Variants in CCAR2 observed in about 807,000 individuals in gnomAD.
CCAR2 encodes cell cycle and apoptosis regulator 2, also known as cell cycle and apoptosis regulator protein 2.
A neutral mutation model predicts 108.1 loss-of-function variants in CCAR2; 21 were observed. The ratio of observed to expected loss-of-function variants is 0.19; its 90% CI spans 0.14 to 0.28. The LOEUF is 0.28. Among genes scored for constraint, CCAR2 ranks in the 10% least tolerant of loss-of-function variants. The pLI, the probability that CCAR2 is intolerant of heterozygous loss-of-function variation, is 1.00. For missense variants in CCAR2, 1,126 were observed against 1,177.0 expected, an observed-to-expected ratio of 0.96 and a Z score of 0.63; for synonymous variants, 577 against 472.8, an observed-to-expected ratio of 1.22 and a Z score of -2.86.
chr8:22,607,704 A>G lies in CCAR2; in HGVS notation c.488-265A>G, dbSNP rs10110560. Among the ~76,000 whole-genome samples, 1,061 of 152,108 alleles carry G rather than the reference A, an allele frequency of 7.0e-3. 15 individuals carry two copies. Among genetic ancestry groups the G allele is most frequent in the African/African-American group, 0.024 (1,010 of 41,490 alleles). ...CAGTGGCGCGATCTCGGCTCACTGC[A>G]AGCTCCGCCTCCTGGGTTCACACCA... On this transcript the variant is annotated intron_variant, in intron 6 of 20. Coordinates refer to ENST00000308511, the MANE Select transcript of CCAR2 (RefSeq NM_001393997.1).
Position 22,614,508 on chromosome 8 carries a change from G to T in CCAR2, c.1041+5G>T, listed in dbSNP as rs1473535988. ...CATCCTCTGAAGCAGATTAAGGTAA[G>T]AGCTGGAGAGCAGGAGGAGATGCAT... On this transcript the variant is annotated splice_donor_5th_base_variant and intron_variant, in intron 10 of 20. Coordinates refer to ENST00000308511, the MANE Select transcript of CCAR2 (RefSeq NM_001393997.1). The T allele has an allele frequency of 1.9e-6, 3 of 1,611,418 alleles. No homozygotes were observed. The highest frequency in any genetic ancestry group is 2.5e-6 in the Non-Finnish European group (3 of 1,177,850).
At position 22,607,304 on chromosome 8, in the gene CCAR2, C is replaced by A; in HGVS notation, c.466C>A (p.Pro156Thr). The change falls in exon 6 of 21, where the codon CCC becomes ACC. Residue 156 changes from proline (P) to threonine (T), a missense_variant. By Grantham distance (38) the Pro-to-Thr change is conservative. Around this residue, in one of 4 missense-constraint regions of CCAR2, gnomAD observed 1,013 missense variants for 993.9 expected, o/e 1.02. Transcript: ENST00000308511. ...GTTGATCTTCCAGCCTCACCGGATTCCCCCACTCTTTCCTCAGAAGCGTGA... is the reference window on the plus strand; with the variant it reads ...GTTGATCTTCCAGCCTCACCGGATTACCCCACTCTTTCCTCAGAAGCGTGA... ...PQLIFQPHRI[P>T]PLFPQKPLSL... The A allele has an allele frequency of 6.2e-7, 1 of 1,612,782 alleles. No individual in the cohort carries two copies. Among genetic ancestry groups the A allele is most frequent in the Non-Finnish European group, 8.5e-7 (1 of 1,180,010 alleles).
At chr8:22,618,530 A>G (rs1014582516) in intron 17 of CCAR2, 35 bp downstream of exon 17, 3 of 1,614,094 alleles carry the variant, frequency 1.9e-6, no homozygotes, top group African/African-American at 1.3e-5. Flanking sequence ...ACATGGGCAC[A>G]GGCCTGCACT....
chr8:22,619,802 C>G lies in CCAR2; in HGVS notation c.*120C>G. 9.1e-7 allele frequency: 1 copy of G among 1,099,762 alleles called. No individual in the cohort carries two copies. Among genetic ancestry groups the G allele is most frequent in the Non-Finnish European group, 1.3e-6 (1 of 752,228 alleles). 68.1% of individuals were successfully genotyped at this position (1,099,762 alleles called of 1,614,324 possible). A position where few individuals can be genotyped will look rare whatever the true frequency, so the allele number is the denominator to read the frequency against. ...TGGGAGCCAGGGCAGGGGTGGCTGA[C>G]CCCATGCTCAGCCTCTAGGGGACGG... On this transcript the variant is annotated 3_prime_UTR_variant, in exon 21 of 21. Transcript: ENST00000308511.
chr8:22,615,121 T>G, intron 11 of CCAR2, 120 bp downstream of exon 11: 1 of 1,313,304 alleles, frequency 7.6e-7, no homozygotes, highest in Non-Finnish European at 1.0e-6. Context: ...TCCCGTTCCT[T>G]CCCCCTCTGG....
In CCAR2 at chr8:22,616,421, G is replaced by A. The variant is rs187733381; in HGVS notation, c.1845+173G>A. ...CACACCTAGTGCAAGGGAAGGTGGC[G>A]CAGAGTGCAGGGAGCATGGCTGAGC... is the stretch of plus-strand genomic sequence containing the variant. On this transcript the variant is annotated intron_variant, in intron 14 of 20. Coordinates refer to ENST00000308511, the MANE Select transcript of CCAR2 (RefSeq NM_001393997.1). 3.2e-3 allele frequency: 2,056 copies of A among 638,212 alleles called. 68 individuals are homozygous for A. In the Admixed American group the frequency reaches 0.052, roughly 16 times the overall value. The allele number at this position is 638,212 out of a possible 1,614,324, so 39.5% of individuals were successfully genotyped here.
rs199539940 is a variant in CCAR2, at chr8:22,619,320, C to T, written c.2692C>T (p.Pro898Ser). ...GCAGGAGCTCCGCAGGCGTCTGACC[C>T]CCCTGCAGCTGGAGATCCAGCGGGT... ...LLQELRRRLTPLQLEIQRVVE... is the reference protein window; with the variant it reads ...LLQELRRRLTSLQLEIQRVVE... The change falls in exon 20 of 21, where the codon CCC (proline) becomes TCC (serine). Residue 898 changes from proline to serine, a missense_variant. Physicochemically the swap from Pro to Ser is moderately conservative, Grantham distance 74 (BLOSUM62 -1). Coordinates refer to ENST00000308511, the MANE Select transcript of CCAR2 (RefSeq NM_001393997.1). 1.9e-6 allele frequency: 3 copies of T among 1,563,840 alleles called. No individual in the cohort carries two copies. Among genetic ancestry groups the T allele is most frequent in the African/African-American group, 1.4e-5 (1 of 73,892 alleles).
At position 22,616,136 on chromosome 8, in the gene CCAR2, C is replaced by G; in HGVS notation, c.1733C>G (p.Ala578Gly). 1.9e-6 allele frequency: 3 copies of G among 1,613,892 alleles called. No individual in the cohort carries two copies. The highest frequency in any genetic ancestry group is 2.5e-6 in the Non-Finnish European group (3 of 1,180,000). The change falls in exon 14 of 21, where the codon GCG becomes GGG. Residue 578 changes from alanine to glycine, a missense_variant. This residue lies in a region of CCAR2 where 1,013 missense variants were observed against 993.9 expected (regional missense o/e 1.02). Coordinates refer to ENST00000308511, the MANE Select transcript of CCAR2 (RefSeq NM_001393997.1). The part of the protein sequence containing the change: ...VSPPEPEKEE[A>G]AKEEATKEEE... ...CCACCTGAACCTGAGAAGGAGGAGG[C>G]GGCCAAGGAAGAAGCCACCAAGGAG...
chr8:22,617,794 G>C lies in CCAR2; in HGVS notation c.2073+16G>C. ...TCAGGACATGGTGAGGCCTCTTCTC[G>C]ACCACTCTGGGTCTCAGTGGTGGTG... On this transcript the variant is annotated intron_variant, in intron 16 of 20. Transcript: ENST00000308511. 1 of 1,612,230 alleles carries C rather than the reference G, an allele frequency of 6.2e-7. No individual in the cohort carries two copies. Among genetic ancestry groups the C allele is most frequent in the Non-Finnish European group, 8.5e-7 (1 of 1,179,586 alleles).
chr8:22,619,371 A>T lies in CCAR2; in HGVS notation c.2727+16A>T. 6.4e-7 allele frequency: 1 copy of T among 1,551,826 alleles called. No individual in the cohort carries two copies. The highest frequency in any genetic ancestry group is 8.7e-7 in the Non-Finnish European group (1 of 1,148,618). On this transcript the variant is annotated intron_variant, in intron 20 of 20. Transcript: ENST00000308511. ...GGTGGAAAAGGTAAGGTGGGGGTGG[A>T]CCAGGAGGCAGCACAGCTCCTTTCC...
At chr8:22,608,747 A>G (rs1801171382) in intron 7 of CCAR2, among the ~76,000 whole-genome samples, 1 of 152,202 alleles carries the variant, frequency 6.6e-6, no homozygotes, top group Admixed American at 6.5e-5. Context: ...CTAAAAGTTA[A>G]GCTCCAGAAT....
At chr8:22,614,678 G>A (rs1197323689) in intron 10 of CCAR2, 160 bp from the exon 11 acceptor site, 1 of 1,064,406 alleles carries the variant, frequency 9.4e-7, no homozygotes, top group East Asian at 2.6e-5. Flanking sequence ...TAGTCAGAGA[G>A]AGCGAGGTGG....
intron 6 of CCAR2, 71 bp from the exon 7 acceptor site, chr8:22,607,898 T>C: frequency 2.5e-6 from 3 of 1,218,404 alleles, no homozygotes; most frequent in African/African-American, 3.0e-5. Flanking sequence ...AGTGCTGGGA[T>C]TACAGGTGTG....
chr8:22,604,888 C>T (rs1466653367), intron 1 of CCAR2, 46 bp downstream of exon 1: 2 of 427,958 alleles, frequency 4.7e-6, no homozygotes, highest in African/African-American at 2.1e-5. Flanking sequence ...TTCGCCCCTC[C>T]GCCCCTCCGC....
Position 22,608,083 on chromosome 8 carries a change from CT to C in CCAR2, c.584+25del. ...GGCCGAAGGTAAGAGGATGATGTCC[CT>C]TTTTTTGGCCACTTGTTGACACTAA... On this transcript the variant is annotated intron_variant, in intron 7 of 20. Transcript: ENST00000308511. 7 of 1,583,802 alleles carry C rather than the reference CT, an allele frequency of 4.4e-6. No homozygotes were observed. The highest frequency in any genetic ancestry group is 3.5e-5 in the Admixed American group (2 of 57,654).
chr8:22,616,556 C>T (rs1801516637), intron 14 of CCAR2: 1 of 391,346 alleles, frequency 2.6e-6, no homozygotes, highest in South Asian at 2.6e-5. Context: ...TGTAGCTCAC[C>T]CCTGTAATCC....
intron 20 of CCAR2, 94 bp from the exon 21 acceptor site, chr8:22,619,544 A>G: frequency 6.9e-7 from 1 of 1,455,274 alleles, no homozygotes; most frequent in Non-Finnish European, 9.4e-7. Flanking sequence ...AGCAGCGTGC[A>G]GTGGGAGCTT....
downstream of CCAR2, chr8:22,621,226 G>A: frequency 1.5e-6 from 1 of 660,758 alleles, no homozygotes; most frequent in South Asian, 1.9e-5. Context: ...TACCTGCTGG[G>A]GCTGTGAGTG....
chr8:22,619,517 C>G (rs993341360), intron 20 of CCAR2, 121 bp from the exon 21 acceptor site: 9 of 1,416,794 alleles, frequency 6.4e-6, no homozygotes, highest in African/African-American at 1.4e-5. Flanking sequence ...TGCAGGTTCT[C>G]TGGGAATTGA....
Sources: gnomAD v4.1 joint callset for allele counts (sites outside exome capture counted in the v4.1 genomes callset) on GRCh38, gnomAD v4.1.1 for gene constraint, gnomAD v4.1.1 regional missense constraint, MANE v1.5 for transcripts, NCBI Gene and HGNC (gene_info 2026-07-23, HGNC 2026-07-21) for gene names.